ADAM7: variants seen among roughly 807,000 people sequenced by gnomAD.
ADAM7 encodes ADAM metallopeptidase domain 7.
A neutral mutation model predicts 102.9 loss-of-function variants in ADAM7; 97 were observed. The observed-to-expected ratio is 0.94, with a 90% CI of 0.80 to 1.12. The LOEUF (loss-of-function observed/expected upper bound fraction) is 1.12. ADAM7 is among the 50% of genes most tolerant of loss of function. ADAM7 has a pLI of 0.00. For synonymous variants in ADAM7, 334 were observed against 304.4 expected, an observed-to-expected ratio of 1.10 and a Z score of -1.01; for missense variants, 991 against 908.7, an observed-to-expected ratio of 1.09 and a Z score of -1.16.
chr8:24,496,381 C>T (rs1326026092), intron 16 of ADAM7, among the ~76,000 whole-genome samples: 1 of 152,242 alleles, frequency 6.6e-6, no homozygotes, highest in Non-Finnish European at 1.5e-5. Context: ...ATCCCCCACA[C>T]AGAGTCCTTG....
intron 3 of ADAM7, among the ~76,000 whole-genome samples, chr8:24,458,996 GT>G (rs1563377653): frequency 6.6e-6 from 1 of 151,732 alleles, no homozygotes. Context: ...TGTGTTTTTA[GT>G]TTTTGCAATA....
chr8:24,467,038 C>G (rs1238156481), intron 6 of ADAM7, 50 bp downstream of exon 6: 1 of 1,498,680 alleles, frequency 6.7e-7, no homozygotes, highest in Non-Finnish European at 9.3e-7. Context: ...CTTTTATTTT[C>G]TTGATGATGT....
Position 24,482,307 on chromosome 8 carries a change from C to A in ADAM7, c.871C>A (p.Leu291Ile), listed in dbSNP as rs1489297795. 4 of 1,606,026 alleles carry A rather than the reference C, an allele frequency of 2.5e-6. No individual in the cohort carries two copies. In the East Asian group the frequency reaches 9.0e-5, roughly 36 times the overall value. Residue 291 changes from leucine to isoleucine, a missense_variant, in exon 9 of 22, where the codon CTC (leucine) becomes ATC (isoleucine). By Grantham distance (5) the Leu-to-Ile change is conservative (BLOSUM62 2). Coordinates refer to ENST00000175238, the MANE Select transcript of ADAM7 (RefSeq NM_003817.4). ...TRKDFDHVVL[L>I]SGKWLYSHVQ... The stretch of plus-strand genomic sequence containing the variant: ...GAAGGATTTTGATCATGTTGTATTA[C>A]TCAGGTTGGTGATTGCTCTATTTTC...
chr8:24,444,641 C>CA (rs1818486030), intron 2 of ADAM7, among the ~76,000 whole-genome samples: 1 of 150,518 alleles, frequency 6.6e-6, no homozygotes, highest in Non-Finnish European at 1.5e-5. Flanking sequence ...AGACGCCCTA[C>CA]AAAATGCTTG....
intron 16 of ADAM7, among the ~76,000 whole-genome samples, chr8:24,498,357 A>AT (rs970620979): frequency 5.4e-4 from 82 of 151,770 alleles, no homozygotes; most frequent in African/African-American, 1.8e-3. Context: ...GTTAATGTTG[A>AT]TTTTTTCTTG....
At chr8:24,500,757 C>T (rs779746494) in intron 18 of ADAM7, 33 bp from the exon 19 acceptor site, 1 of 1,554,816 alleles carries the variant, frequency 6.4e-7, no homozygotes, top group South Asian at 1.1e-5. Context: ...CAACTGATAC[C>T]CTCGATGAAG....
At chr8:24,478,892 G>A (rs1041142795) in intron 8 of ADAM7, among the ~76,000 whole-genome samples, 3 of 152,216 alleles carry the variant, frequency 2.0e-5, no homozygotes, top group African/African-American at 4.8e-5. Context: ...TCTTTTGCTA[G>A]GTCATTAACA....
At chr8:24,499,385 TG>T in intron 17 of ADAM7, 69 bp downstream of exon 17, 1 of 1,194,092 alleles carries the variant, frequency 8.4e-7, no homozygotes, top group Non-Finnish European at 1.2e-6. Context: ...CCAGCCTATA[TG>T]TGCATGTATA....
At chr8:24,464,974 G>A (rs1465377295) in intron 4 of ADAM7, among the ~76,000 whole-genome samples, 1 of 151,828 alleles carries the variant, frequency 6.6e-6, no homozygotes, top group African/African-American at 2.4e-5. Flanking sequence ...TTTAGTAGAG[G>A]CGGGGTTTCA....
intron 1 of ADAM7, among the ~76,000 whole-genome samples, chr8:24,441,648 C>A (rs1818376747): frequency 1.3e-5 from 2 of 152,180 alleles, no homozygotes; most frequent in African/African-American, 4.8e-5. Context: ...CAGGGCTCAT[C>A]TCACAGATGA....
chr8:24,500,722 T>TAA (rs1820729581), intron 18 of ADAM7, 68 bp from the exon 19 acceptor site: 2 of 1,284,722 alleles, frequency 1.6e-6, no homozygotes, highest in Admixed American at 3.7e-5. Context: ...ACAGCTCCAT[T>TAA]AAATGTTAAT....
chr8:24,447,456 T>C (rs1818604065), intron 3 of ADAM7, among the ~76,000 whole-genome samples, 194 bp downstream of exon 3: 1 of 152,168 alleles, frequency 6.6e-6, no homozygotes, highest in African/African-American at 2.4e-5. Context: ...CAGATGCCAC[T>C]GTTCTCCCGT....
rs575053200 is a variant in ADAM7, at chr8:24,444,406, G to C, written c.156+1830G>C. Among the ~76,000 whole-genome samples, 3 of 152,122 alleles carry C rather than the reference G, an allele frequency of 2.0e-5. No individual in the cohort carries two copies. In the South Asian group the frequency reaches 6.2e-4, roughly 32 times the overall value. On this transcript the variant is annotated intron_variant, in intron 2 of 21. Transcript: ENST00000175238. Reference sequence around the variant, plus strand: ...CCCCACCCATTAAGTGTGGGTTGTAGATTGTGACTTCCTTCCAGGAAGTAC... The same window carrying C: ...CCCCACCCATTAAGTGTGGGTTGTACATTGTGACTTCCTTCCAGGAAGTAC...
Position 24,501,547 on chromosome 8 carries a change from C to A in ADAM7, c.2179C>A (p.Pro727Thr), listed in dbSNP as rs1382354965. The A allele has an allele frequency of 3.1e-6, 5 of 1,602,110 alleles. No homozygotes were observed. The highest frequency in any genetic ancestry group is 4.3e-6 in the Non-Finnish European group (5 of 1,176,248). The change falls in exon 20 of 22, where the codon CCA becomes ACA. Residue 727 changes from proline to threonine, a missense_variant. Transcript: ENST00000175238. The part of the protein sequence containing the change: ...FGDEQQIRTE[P>T]ILPEIHFLNK... ...TGATGAGCAGCAGATAAGGACTGAG[C>A]CAATCCTGCCAGAAATTCATTTCCT...
At chr8:24,498,258 G>C (rs1489198985) in intron 16 of ADAM7, among the ~76,000 whole-genome samples, 1 of 151,582 alleles carries the variant, frequency 6.6e-6, no homozygotes, top group Non-Finnish European at 1.5e-5. Flanking sequence ...TGACAATGTA[G>C]TATCTGATTT....
At position 24,482,000 on chromosome 8, in the gene ADAM7, G is replaced by C. The variant is rs575256369; in HGVS notation, c.706-142G>C. The C allele has an allele frequency of 9.1e-6, 5 of 551,602 alleles. No homozygotes were observed. In the African/African-American group the frequency reaches 9.9e-5, roughly 11 times the overall value. The allele number at this position is 551,602 out of a possible 1,614,324, so 34.2% of individuals were successfully genotyped here. A position where few individuals can be genotyped will look rare whatever the true frequency, so the allele number is the denominator to read the frequency against. On this transcript the variant is annotated intron_variant, in intron 8 of 21. Transcript: ENST00000175238. ...CTGTCCCATTTTGATATATCTGTTTGCAACATGAGGCTTGCACTGTTTACT... is the reference window on the plus strand; with the variant it reads ...CTGTCCCATTTTGATATATCTGTTTCCAACATGAGGCTTGCACTGTTTACT...
At chr8:24,457,829 T>C (rs886111177) in intron 3 of ADAM7, among the ~76,000 whole-genome samples, 3 of 151,400 alleles carry the variant, frequency 2.0e-5, no homozygotes, top group Non-Finnish European at 4.4e-5. Flanking sequence ...TGGTCTGTTA[T>C]GACCTTAAAT....
At chr8:24,467,621 T>C (rs966263750) in intron 6 of ADAM7, 1 of 152,330 alleles carries the variant, frequency 6.6e-6, no homozygotes, top group African/African-American at 2.4e-5. Context: ...AATCAACAAA[T>C]AAATGATTAC....
intron 6 of ADAM7, chr8:24,467,297 T>C (rs1474788019): frequency 2.6e-6 from 1 of 385,264 alleles, no homozygotes; most frequent in South Asian, 7.7e-5. Context: ...AGAGATAGTG[T>C]CTTTCCTTTT....
Sources: allele counts gnomAD v4.1 joint callset (sites outside exome capture counted in the v4.1 genomes callset), GRCh38; gene constraint gnomAD v4.1.1; transcripts MANE v1.5; gene names NCBI Gene and HGNC (gene_info 2026-07-23, HGNC 2026-07-21).